Variants in CENPL observed in about 807,000 individuals in gnomAD.
CENPL encodes interphase centromere complex protein 33.
CENPL carries 20 observed loss-of-function variants against 35.2 expected under a neutral mutation model. The ratio of observed to expected loss-of-function variants is 0.57; its 90% CI spans 0.40 to 0.83. The LOEUF (loss-of-function observed/expected upper bound fraction) is 0.83, where lower values mean the gene tolerates loss of function less well. Among genes scored for constraint, CENPL ranks in the 40% least tolerant of loss-of-function variants. The pLI is 0.00. For missense variants in CENPL, 363 were observed against 395.8 expected (o/e 0.92, Z 0.70); for synonymous variants, 140 against 140.6 (o/e 1.00, Z 0.03).
At chr1:173,815,676 G>A (rs1162335954) in intron 2 of CENPL, among the ~76,000 whole-genome samples, 1 of 152,054 alleles carries the variant, frequency 6.6e-6, no homozygotes, top group Non-Finnish European at 1.5e-5. Flanking sequence ...AGATATTGAT[G>A]GAACATATCT....
intron 2 of CENPL, among the ~76,000 whole-genome samples, chr1:173,811,822 G>A (rs887874592): frequency 3.3e-5 from 5 of 152,258 alleles, no homozygotes; most frequent in African/African-American, 1.2e-4. Context: ...GCTGGACAGT[G>A]GGTGCAGCCC....
intron 2 of CENPL, among the ~76,000 whole-genome samples, chr1:173,817,285 A>G (rs1240048595): frequency 1.3e-5 from 2 of 152,270 alleles, no homozygotes; most frequent in African/African-American, 2.4e-5. Context: ...CAGAATCTAA[A>G]AAGGACTTAA....
At chr1:173,810,079 T>C (rs1225715262) in intron 3 of CENPL, among the ~76,000 whole-genome samples, 1 of 152,220 alleles carries the variant, frequency 6.6e-6, no homozygotes, top group Non-Finnish European at 1.5e-5. Flanking sequence ...ACTGCAGCAC[T>C]ATTCACAATA....
intron 5 of CENPL, among the ~76,000 whole-genome samples, chr1:173,802,670 T>C (rs750254067): frequency 6.6e-6 from 1 of 152,242 alleles, no homozygotes; most frequent in Non-Finnish European, 1.5e-5. Flanking sequence ...ATTACTCTGA[T>C]AATTATTTCA....
chr1:173,811,226 G>A lies in CENPL; in HGVS notation c.74C>T (p.Thr25Ile), dbSNP rs999235861. 2.5e-6 allele frequency: 4 copies of A among 1,613,484 alleles called. No individual in the cohort carries two copies. The highest frequency in any genetic ancestry group is 3.4e-6 in the Non-Finnish European group (4 of 1,179,532). Residue 25 changes from threonine to isoleucine, a missense_variant, in exon 3 of 6, where the codon ACT becomes ATT. Coordinates refer to ENST00000682279, the MANE Select transcript of CENPL (RefSeq NM_001387287.1). ...CGATTCTAATCGTTTCTGCAGAGGAGTGGCACCTATAAAGTAATCTTCAGG... is the reference window on the plus strand; with the variant it reads ...CGATTCTAATCGTTTCTGCAGAGGAATGGCACCTATAAAGTAATCTTCAGG... ...SRPEDYFIGA[T>I]PLQKRLESVR... is the part of the protein sequence containing the mutation.
intron 3 of CENPL, among the ~76,000 whole-genome samples, chr1:173,807,944 T>G (rs963079279): frequency 6.6e-6 from 1 of 152,244 alleles, no homozygotes; most frequent in Admixed American, 6.5e-5. Flanking sequence ...ATAAGCTGGA[T>G]GACAGCAGTG....
intron 2 of CENPL, chr1:173,821,804 C>CTTTTTTTTT (rs57573875): frequency 2.1e-5 from 2 of 94,034 alleles, no homozygotes; most frequent in African/African-American, 4.9e-5. Flanking sequence ...GTACTTCAGC[C>CTTTTTTTTT]TTTTTTTTTT....
At chr1:173,812,271 T>C (rs900894909) in intron 2 of CENPL, among the ~76,000 whole-genome samples, 4 of 152,268 alleles carry the variant, frequency 2.6e-5, no homozygotes, top group African/African-American at 9.6e-5. Flanking sequence ...CAGAAACGTC[T>C]GCAGACTTAA....
At chr1:173,817,065 G>C (rs913599896) in intron 2 of CENPL, among the ~76,000 whole-genome samples, 3 of 152,082 alleles carry the variant, frequency 2.0e-5, no homozygotes, top group Admixed American at 2.0e-4. Flanking sequence ...TGAACCCAAG[G>C]AGGCAGAGGT....
intron 4 of CENPL, 105 bp from the exon 5 acceptor site, chr1:173,803,610 CT>C: frequency 9.8e-7 from 1 of 1,017,766 alleles, no homozygotes; most frequent in Non-Finnish European, 1.4e-6. Context: ...CAATGTAATA[CT>C]TGCAAAAAAA....
At chr1:173,821,104 C>T (rs1651901099) in intron 2 of CENPL, among the ~76,000 whole-genome samples, 2 of 152,212 alleles carry the variant, frequency 1.3e-5, no homozygotes. Flanking sequence ...CAGAATGTTT[C>T]CTTCAAATTT....
At chr1:173,808,701 A>C (rs1328796910) in intron 3 of CENPL, 1 of 151,882 alleles carries the variant, frequency 6.6e-6, no homozygotes, top group Non-Finnish European at 1.5e-5. Flanking sequence ...AAACAAAAAC[A>C]CTTCATTTAT....
At chr1:173,815,520 G>A (rs1027497809) in intron 2 of CENPL, among the ~76,000 whole-genome samples, 2 of 152,136 alleles carry the variant, frequency 1.3e-5, no homozygotes, top group Non-Finnish European at 2.9e-5. Flanking sequence ...TAGGATGCGA[G>A]GCTGGTTCAA....
intron 2 of CENPL, among the ~76,000 whole-genome samples, chr1:173,816,477 A>G (rs969490231): frequency 2.0e-5 from 3 of 152,228 alleles, no homozygotes; most frequent in African/African-American, 7.2e-5. Context: ...TACTGGTACC[A>G]AAACAGAGAT....
At chr1:173,808,988 C>A (rs916608487) in intron 3 of CENPL, among the ~76,000 whole-genome samples, 1 of 152,086 alleles carries the variant, frequency 6.6e-6, no homozygotes, top group Non-Finnish European at 1.5e-5. Context: ...GCAAACCATG[C>A]ATCTGACAAA....
chr1:173,807,369 TC>T lies in CENPL; in HGVS notation c.317del (p.Gly106AspfsTer14). The T allele has an allele frequency of 6.2e-7, 1 of 1,613,786 alleles. No homozygotes were observed. Among genetic ancestry groups the T allele is most frequent in the Non-Finnish European group, 8.5e-7 (1 of 1,179,784 alleles). On this transcript the variant is annotated frameshift_variant, in exon 4 of 6. Coordinates refer to ENST00000682279, the MANE Select transcript of CENPL (RefSeq NM_001387287.1). LOFTEE classifies it high-confidence loss of function. Reference protein sequence around the residue: ...NAFIVAEKQKGLAVEVGEDFN... With the variant: ...NAFIVAEKQKXLAVEVGEDFN... ...AGTCTTCTCCCACTTCCACAGCAAG[TC>T]CTTTTTGCTTTTCAGCAACAATAAA...
chr1:173,807,743 C>T (rs1411472884), intron 3 of CENPL, among the ~76,000 whole-genome samples: 1 of 152,076 alleles, frequency 6.6e-6, no homozygotes, highest in Non-Finnish European at 1.5e-5. Flanking sequence ...TGGCAAGTTC[C>T]TTCACTTCAT....
At chr1:173,808,764 A>G (rs1188173567) in intron 3 of CENPL, 1 of 152,180 alleles carries the variant, frequency 6.6e-6, no homozygotes, top group African/African-American at 2.4e-5. Context: ...ACTTAAATGT[A>G]AAACACAAAA....
chr1:173,806,173 C>T (rs552594482), intron 4 of CENPL, among the ~76,000 whole-genome samples: 85 of 152,340 alleles, frequency 5.6e-4, no homozygotes, highest in Non-Finnish European at 1.0e-3. Context: ...TTTACTGACT[C>T]TAATCTATAC....
Sources: gnomAD v4.1 joint callset for allele counts (sites outside exome capture counted in the v4.1 genomes callset) on GRCh38, gnomAD v4.1.1 for gene constraint, MANE v1.5 for transcripts, NCBI Gene and HGNC (gene_info 2026-07-23, HGNC 2026-07-21) for gene names.